CDH23: variants seen among roughly 807,000 people sequenced by gnomAD.
CDH23 encodes cadherin related 23, also known as cadherin-23.
A neutral mutation model predicts 317.1 loss-of-function variants in CDH23; 189 were observed. The ratio of observed to expected loss-of-function variants is 0.60; its 90% CI spans 0.53 to 0.67. CDH23 has a LOEUF of 0.67. CDH23 is among the 30% of genes least tolerant of loss of function. The pLI, the probability that CDH23 is intolerant of heterozygous loss-of-function variation, is 0.00. For synonymous variants in CDH23, 1,839 were observed against 1,876.8 expected (o/e 0.98, Z 0.52); for missense variants, 4,401 against 4,592.4 (o/e 0.96, Z 1.20).
In CDH23 at chr10:71,724,028, GT is replaced by G; in HGVS notation, c.3370-16del. 1 of 1,554,760 alleles carries G rather than the reference GT, an allele frequency of 6.4e-7. No individual in the cohort carries two copies. The highest frequency in any genetic ancestry group is 8.7e-7 in the Non-Finnish European group (1 of 1,148,600). ...GGGTGGCATTCAAGAAGTAACTCGT[GT>G]CTCATTCTTCCTCAGCTGAAAGCCA... On this transcript the variant is annotated splice_polypyrimidine_tract_variant and intron_variant, in intron 28 of 69. Transcript: ENST00000224721.
At chr10:71,795,544 C>G (rs376118105) in intron 48 of CDH23, 2 of 152,440 alleles carry the variant, frequency 1.3e-5, no homozygotes, top group African/African-American at 4.8e-5. Context: ...TCTTCTCTGC[C>G]CCCTCCTCCT....
chr10:71,662,490 G>A (rs2132636179), intron 14 of CDH23, among the ~76,000 whole-genome samples: 1 of 152,244 alleles, frequency 6.6e-6, no homozygotes, highest in South Asian at 2.1e-4. Flanking sequence ...ACTTGTGGTG[G>A]GGACACTGGG....
chr10:71,812,121 G>A lies in CDH23; in HGVS notation c.9380+106G>A, dbSNP rs957937401. 15 of 1,605,394 alleles carry A rather than the reference G, an allele frequency of 9.3e-6. No homozygotes were observed. The African/African-American group carries it at 1.7e-4, about 19-fold the overall frequency. ...CGCTGGGGCTGCCGAAACCCAGGCT[G>A]TGGGCGCCCCCTGGTGGGCGGGCCA... On this transcript the variant is annotated intron_variant, in intron 66 of 69. Coordinates refer to ENST00000224721, the MANE Select transcript of CDH23 (RefSeq NM_022124.6).
chr10:71,779,212 C>T, intron 40 of CDH23, 55 bp from the exon 41 acceptor site: 1 of 1,554,062 alleles, frequency 6.4e-7, no homozygotes, highest in East Asian at 2.2e-5. Flanking sequence ...GGAACTGAGG[C>T]CCAGCACAAA....
Position 71,610,053 on chromosome 10 carries a change from G to A in CDH23, c.833-5451G>A, listed in dbSNP as rs566458250. Among the ~76,000 whole-genome samples, 13 of 151,960 alleles carry A rather than the reference G, an allele frequency of 8.6e-5. No homozygotes were observed. In the South Asian group the frequency reaches 2.7e-3, roughly 32 times the overall value. On this transcript the variant is annotated intron_variant, in intron 9 of 69. Coordinates refer to ENST00000224721, the MANE Select transcript of CDH23 (RefSeq NM_022124.6). ...GGAGTCTCACTCTATCACCCAGGCT[G>A]GAGTTCAGTGGCATGATCTTGGCTC...
chr10:71,478,790 G>A (rs926590377), intron 3 of CDH23, among the ~76,000 whole-genome samples: 3 of 152,154 alleles, frequency 2.0e-5, no homozygotes, highest in Non-Finnish European at 4.4e-5. Flanking sequence ...CTAAGAGCCC[G>A]TCTCCAAAGC....
At chr10:71,507,860 T>C (rs914217828) in intron 3 of CDH23, among the ~76,000 whole-genome samples, 7 of 152,226 alleles carry the variant, frequency 4.6e-5, no homozygotes, top group Admixed American at 1.3e-4. Flanking sequence ...GAAAGAGCAA[T>C]GAACTGGGAA....
intron 1 of CDH23, among the ~76,000 whole-genome samples, chr10:71,422,403 A>C (rs1189367703): frequency 6.6e-6 from 1 of 152,242 alleles, no homozygotes; most frequent in Non-Finnish European, 1.5e-5. Flanking sequence ...CTTCATCTGC[A>C]AAGTGGGTCA....
At chr10:71,512,840 A>G (rs1022324592) in intron 6 of CDH23, among the ~76,000 whole-genome samples, 4 of 152,180 alleles carry the variant, frequency 2.6e-5, no homozygotes, top group African/African-American at 9.6e-5. Context: ...ATATTTATTG[A>G]ATGTCTGCTG....
At chr10:71,619,756 C>G (rs1861376743) in intron 11 of CDH23, among the ~76,000 whole-genome samples, 2 of 152,152 alleles carry the variant, frequency 1.3e-5, no homozygotes, top group Non-Finnish European at 1.5e-5. Context: ...GGACCCAGGT[C>G]TCAGAGGGCC....
intron 3 of CDH23, among the ~76,000 whole-genome samples, chr10:71,472,203 G>T (rs995553101): frequency 3.9e-5 from 6 of 152,190 alleles, no homozygotes; most frequent in Non-Finnish European, 5.9e-5. Flanking sequence ...GCCAACAGGA[G>T]GCCCTGGCAG....
intron 6 of CDH23, among the ~76,000 whole-genome samples, chr10:71,515,419 C>T (rs942780398): frequency 2.0e-5 from 3 of 150,346 alleles, no homozygotes; most frequent in Non-Finnish European, 4.4e-5. Context: ...CACACACACA[C>T]GCACACATAC....
At chr10:71,778,640 C>G (rs567166423) in intron 40 of CDH23, among the ~76,000 whole-genome samples, 1 of 152,334 alleles carries the variant, frequency 6.6e-6, no homozygotes, top group Non-Finnish European at 1.5e-5. Context: ...CTCCCTGCTT[C>G]CATTTCCTCA....
chr10:71,674,979 GC>G, intron 14 of CDH23, 132 bp from the exon 15 acceptor site: 1 of 761,966 alleles, frequency 1.3e-6, no homozygotes. Flanking sequence ...CTTTCACCAG[GC>G]CTCACTGGGG....
Position 71,797,195 on chromosome 10 carries a change from A to G in CDH23, c.6804A>G (p.Pro2268=), listed in dbSNP as rs1453990622. The G allele has an allele frequency of 6.2e-7, 1 of 1,613,106 alleles. No homozygotes were observed. Among genetic ancestry groups the G allele is most frequent in the Admixed American group, 1.7e-5 (1 of 59,948 alleles). The change falls in exon 49 of 70, where the codon CCA becomes CCG. Residue 2268 remains proline (P), a synonymous_variant. Transcript: ENST00000224721. The stretch of plus-strand genomic sequence containing the variant: ...TGATTGACAATGCCAGCGACCTACC[A>G]GAGCGCTCTGTCAGTGTGCCAAATG... ...LSVIDNASDL[P]ERSVSVPNAK...
At chr10:71,629,196 A>T (rs1861890958) in intron 11 of CDH23, among the ~76,000 whole-genome samples, 1 of 152,240 alleles carries the variant, frequency 6.6e-6, no homozygotes, top group Non-Finnish European at 1.5e-5. Context: ...GCCCTTGGGC[A>T]GCTAAGGTTC....
intron 38 of CDH23, among the ~76,000 whole-genome samples, chr10:71,768,311 C>T (rs1418193111): frequency 1.3e-5 from 2 of 152,150 alleles, no homozygotes; most frequent in Non-Finnish European, 2.9e-5. Flanking sequence ...GCTGGGACTA[C>T]AGGCACCCGC....
chr10:71,640,832 T>C (rs962973488), intron 11 of CDH23, among the ~76,000 whole-genome samples: 3 of 152,214 alleles, frequency 2.0e-5, no homozygotes, highest in Admixed American at 2.0e-4. Flanking sequence ...GATCTGGGCG[T>C]GGCCCCCAAT....
At chr10:71,796,496 T>C (rs1330127070) in intron 48 of CDH23, among the ~76,000 whole-genome samples, 1 of 152,186 alleles carries the variant, frequency 6.6e-6, no homozygotes, top group South Asian at 2.1e-4. Context: ...ATCCAGACGG[T>C]CCCACCACTG....
Sources: allele counts gnomAD v4.1 joint callset (sites outside exome capture counted in the v4.1 genomes callset), GRCh38; gene constraint gnomAD v4.1.1; transcripts MANE v1.5; gene names NCBI Gene and HGNC (gene_info 2026-07-23, HGNC 2026-07-21).